The following DNAH8 variants were observed in gnomAD, a reference collection of about 807,000 sequenced individuals.
DNAH8 encodes axonemal beta dynein heavy chain 8.
In DNAH8, 382 loss-of-function variants were observed where a neutral mutation model predicts 562.1. The ratio of observed to expected loss-of-function variants is 0.68; its 90% CI spans 0.63 to 0.74. The LOEUF (loss-of-function observed/expected upper bound fraction) is 0.74. Among genes scored for constraint, DNAH8 ranks in the 30% least tolerant of loss-of-function variants. The pLI is 0.00. For synonymous variants in DNAH8, 1,881 were observed against 1,919.4 expected (o/e 0.98, Z 0.52); for missense variants, 5,203 against 5,620.4 (o/e 0.93, Z 2.37).
rs1266735526 is a variant in DNAH8, at chr6:38,980,186, G to A, written c.12835-2160G>A. ...TTTGCCCTGGTAATAATCGACCAGT[G>A]TTTATTAGGCAACCATGATTCTTTC... On this transcript the variant is annotated intron_variant, in intron 85 of 92. Transcript: ENST00000327475. 4.6e-5 allele frequency among the ~76,000 whole-genome samples: 7 copies of A among 151,994 alleles called. No homozygotes were observed. In the East Asian group the frequency reaches 1.4e-3, roughly 29 times the overall value.
intron 21 of DNAH8, among the ~76,000 whole-genome samples, chr6:38,794,669 T>C (rs1424958912): frequency 6.6e-6 from 1 of 152,238 alleles, no homozygotes; most frequent in African/African-American, 2.4e-5. Flanking sequence ...ATATATTCTC[T>C]ATTTCTGACT....
At chr6:38,734,333 C>CCCA (rs1554195337) in intron 4 of DNAH8, 141 bp from the exon 5 acceptor site, 7 of 815,304 alleles carry the variant, frequency 8.6e-6, no homozygotes, top group Non-Finnish European at 1.2e-5. Flanking sequence ...TAGACCCCCC[C>CCCA]CCAAAAAAAT....
At chr6:38,826,923 C>T (rs912944833) in intron 29 of DNAH8, among the ~76,000 whole-genome samples, 4 of 152,144 alleles carry the variant, frequency 2.6e-5, no homozygotes, top group African/African-American at 9.7e-5. Flanking sequence ...AACTTAATGG[C>T]TTAAAACAAC....
intron 72 of DNAH8, chr6:38,923,541 C>G (rs1450927254): frequency 5.6e-6 from 1 of 177,760 alleles, no homozygotes; most frequent in African/African-American, 2.4e-5. Context: ...CTGTCTTCTG[C>G]TGGTGTCTGT....
chr6:38,911,376 A>G, intron 65 of DNAH8, 92 bp from the exon 66 acceptor site: 2 of 940,138 alleles, frequency 2.1e-6, no homozygotes, highest in Non-Finnish European at 3.5e-6. Context: ...GAATCACTCT[A>G]CATGATCACA....
chr6:39,008,341 G>T (rs1396242560), intron 88 of DNAH8, among the ~76,000 whole-genome samples: 1 of 151,906 alleles, frequency 6.6e-6, no homozygotes, highest in Non-Finnish European at 1.5e-5. Context: ...GGAAAAATGA[G>T]AAAACCAAGC....
chr6:38,890,856 A>G (rs1429271904), intron 58 of DNAH8, 95 bp downstream of exon 58: 4 of 823,518 alleles, frequency 4.9e-6, no homozygotes, highest in African/African-American at 1.7e-5. Context: ...AATATCATAT[A>G]TAGTGGTGTT....
At chr6:39,008,160 C>G (rs969688047) in intron 88 of DNAH8, among the ~76,000 whole-genome samples, 9 of 152,044 alleles carry the variant, frequency 5.9e-5, no homozygotes, top group Admixed American at 5.9e-4. Flanking sequence ...TCTATCTCCT[C>G]CACTAGAGAA....
intron 87 of DNAH8, among the ~76,000 whole-genome samples, chr6:38,986,245 A>G (rs1764389675): frequency 6.6e-6 from 1 of 152,244 alleles, no homozygotes; most frequent in Admixed American, 6.5e-5. Flanking sequence ...TACCTGTTGT[A>G]GAGGCCTATG....
Position 38,737,229 on chromosome 6 carries a change from A to G in DNAH8, c.925A>G (p.Ile309Val). ...ESEKHIFTET[I>V]NRYLSFLDGA... ...TGAAAAACATATTTTCACTGAAACCATCAACAGATATCTTTCATTTTTAGA... is the reference window on the plus strand; with the variant it reads ...TGAAAAACATATTTTCACTGAAACCGTCAACAGATATCTTTCATTTTTAGA... The change falls in exon 6 of 93, where the codon ATC becomes GTC. Residue 309 changes from isoleucine (I) to valine (V), a missense_variant. Around this residue, in one of 6 missense-constraint regions of DNAH8, gnomAD observed 556 missense variants for 496.9 expected, o/e 1.12. Transcript: ENST00000327475. 6.8e-7 allele frequency: 1 copy of G among 1,464,084 alleles called. No homozygotes were observed. Among genetic ancestry groups the G allele is most frequent in the Non-Finnish European group, 9.1e-7 (1 of 1,102,874 alleles). 90.7% of individuals were successfully genotyped at this position (1,464,084 alleles called of 1,614,324 possible).
intron 31 of DNAH8, among the ~76,000 whole-genome samples, chr6:38,833,595 G>A (rs567772954): frequency 3.3e-5 from 5 of 152,186 alleles, no homozygotes; most frequent in South Asian, 2.1e-4. Context: ...ATCAGAAGCC[G>A]CAAACAAGCC....
intron 24 of DNAH8, among the ~76,000 whole-genome samples, chr6:38,812,543 T>C (rs896085151): frequency 2.0e-5 from 3 of 152,230 alleles, no homozygotes; most frequent in African/African-American, 7.2e-5. Context: ...GGCTGCTCCA[T>C]TGGCTTCTTT....
At chr6:38,953,586 G>C (rs16891340) in intron 82 of DNAH8, among the ~76,000 whole-genome samples, 28,345 of 151,944 alleles carry the variant, frequency 0.19, 3,313 homozygotes, top group African/African-American at 0.32. Flanking sequence ...CATAGATTTG[G>C]CTTTAACACT....
intron 16 of DNAH8, among the ~76,000 whole-genome samples, chr6:38,782,521 A>G (rs1298333332): frequency 6.6e-6 from 1 of 152,320 alleles, no homozygotes; most frequent in South Asian, 2.1e-4. Context: ...ACTTCAGGTA[A>G]TCCACCTGCC....
chr6:38,882,638 A>T (rs1778585280), intron 53 of DNAH8, among the ~76,000 whole-genome samples: 1 of 152,298 alleles, frequency 6.6e-6, no homozygotes, highest in South Asian at 2.1e-4. Context: ...TGATGAAATA[A>T]TCTGTACGAC....
chr6:38,889,560 A>T (rs926943993), intron 57 of DNAH8, among the ~76,000 whole-genome samples: 12 of 152,210 alleles, frequency 7.9e-5, no homozygotes, highest in African/African-American at 2.7e-4. Context: ...TGACACATTT[A>T]AACAAATACG....
intron 31 of DNAH8, among the ~76,000 whole-genome samples, chr6:38,833,473 G>C (rs1276051722): frequency 6.6e-6 from 1 of 152,082 alleles, no homozygotes; most frequent in African/African-American, 2.4e-5. Context: ...TCCCTGAACA[G>C]ACACAGCCAG....
chr6:38,803,830 T>C lies in DNAH8; in HGVS notation c.3034+519T>C, dbSNP rs542394360. The stretch of plus-strand genomic sequence containing the variant: ...TATGAATTCCTACTTACAACTATCT[T>C]TGGGGTTTGGGTACAGATAAATGGT... On this transcript the variant is annotated intron_variant, in intron 22 of 92. Coordinates refer to ENST00000327475, the MANE Select transcript of DNAH8 (RefSeq NM_001206927.2). 1.3e-3 allele frequency among the ~76,000 whole-genome samples: 203 copies of C among 152,174 alleles called. 1 individual carries two copies. The highest frequency in any genetic ancestry group is 6.2e-4 in the Non-Finnish European group (42 of 68,018).
chr6:38,823,719 T>C (rs1562909672), intron 28 of DNAH8, 31 bp downstream of exon 28: 3 of 1,506,524 alleles, frequency 2.0e-6, no homozygotes, highest in Admixed American at 3.6e-5. Flanking sequence ...ATGTAAAGTA[T>C]CTGTACTTTC....
Sources: gnomAD v4.1 joint callset for allele counts (sites outside exome capture counted in the v4.1 genomes callset) on GRCh38, gnomAD v4.1.1 for gene constraint, gnomAD v4.1.1 regional missense constraint, MANE v1.5 for transcripts, NCBI Gene and HGNC (gene_info 2026-07-23, HGNC 2026-07-21) for gene names.